PDS5B: variants seen among roughly 807,000 people sequenced by gnomAD.
PDS5B encodes the protein PDS5 cohesin associated factor B, also known as sister chromatid cohesion protein PDS5 homolog B.
In PDS5B, 51 loss-of-function variants were observed where a neutral mutation model predicts 184.1. The observed-to-expected ratio is 0.28, with a 90% CI of 0.22 to 0.35. The LOEUF (loss-of-function observed/expected upper bound fraction) is 0.35, where lower values mean the gene tolerates loss of function less well. Ranked by LOEUF, PDS5B falls within the 10% of genes least tolerant of loss-of-function variation. The probability of loss-of-function intolerance (pLI) is 1.00; values close to 1 mark genes in which losing one functional copy is unlikely to be tolerated. For missense variants in PDS5B, 1,180 were observed against 1,723.3 expected (o/e 0.68, Z 5.58); for synonymous variants, 566 against 569.2 (o/e 0.99, Z 0.08).
chr13:32,768,343 C>A (rs1213886355), intron 31 of PDS5B, among the ~76,000 whole-genome samples: 4 of 152,124 alleles, frequency 2.6e-5, no homozygotes, highest in Non-Finnish European at 2.9e-5. Flanking sequence ...CTTATAAGGA[C>A]ACTAATCTCA....
At chr13:32,695,622 T>TA (rs1170066410) in intron 14 of PDS5B, among the ~76,000 whole-genome samples, 1 of 152,042 alleles carries the variant, frequency 6.6e-6, no homozygotes, top group Non-Finnish European at 1.5e-5. Flanking sequence ...GAAATCATAA[T>TA]AACATCCAGG....
chr13:32,667,120 C>A (rs1016853017), intron 6 of PDS5B, among the ~76,000 whole-genome samples: 2 of 152,100 alleles, frequency 1.3e-5, no homozygotes, highest in African/African-American at 4.8e-5. Context: ...TTCCTGTTCT[C>A]TGGAATATGT....
intron 9 of PDS5B, among the ~76,000 whole-genome samples, chr13:32,678,587 A>G (rs1207056125): frequency 6.6e-6 from 1 of 152,192 alleles, no homozygotes; most frequent in Non-Finnish European, 1.5e-5. Context: ...AGCCAAATGT[A>G]TATGGTTTAT....
intron 1 of PDS5B, among the ~76,000 whole-genome samples, chr13:32,612,331 G>A (rs1313314639): frequency 6.6e-6 from 1 of 152,074 alleles, no homozygotes; most frequent in Non-Finnish European, 1.5e-5. Context: ...GCCTCCCAAA[G>A]TGCTGGGATT....
At chr13:32,731,319 G>A (rs1353395654) in intron 19 of PDS5B, among the ~76,000 whole-genome samples, 5 of 151,996 alleles carry the variant, frequency 3.3e-5, no homozygotes, top group South Asian at 2.1e-4. Flanking sequence ...TCCTTTATTC[G>A]GTATTCGTTT....
At chr13:32,716,632 C>G (rs372390216) in intron 19 of PDS5B, among the ~76,000 whole-genome samples, 5 of 140,488 alleles carry the variant, frequency 3.6e-5, no homozygotes, top group East Asian at 4.5e-4. Flanking sequence ...GTCAGCCCCC[C>G]GCCCGGCCAG....
chr13:32,655,374 A>ATTTTTTTTTTTTT (rs1228814649), intron 3 of PDS5B, among the ~76,000 whole-genome samples: 1 of 72,484 alleles, frequency 1.4e-5, no homozygotes, highest in Non-Finnish European at 2.2e-5. Context: ...ATATATATAT[A>ATTTTTTTTTTTTT]TTTTTTTTTT....
intron 1 of PDS5B, among the ~76,000 whole-genome samples, chr13:32,608,524 G>T (rs1364724948): frequency 6.6e-6 from 1 of 152,144 alleles, no homozygotes; most frequent in African/African-American, 2.4e-5. Flanking sequence ...TCTGAGTCTG[G>T]TGCTAGACTT....
chr13:32,609,874 A>C (rs2058114768), intron 1 of PDS5B, among the ~76,000 whole-genome samples: 1 of 151,344 alleles, frequency 6.6e-6, no homozygotes, highest in Non-Finnish European at 1.5e-5. Flanking sequence ...GCAGAGGCTA[A>C]AATTGTGGGG....
intron 17 of PDS5B, among the ~76,000 whole-genome samples, chr13:32,706,279 A>AAAATAAAT (rs60222106): frequency 0.022 from 3,212 of 144,944 alleles, 43 homozygotes; most frequent in African/African-American, 0.036. Context: ...CTTCGTCTCA[A>AAAATAAAT]AAATAAATAA....
At chr13:32,696,006 A>G (rs998944785) in intron 14 of PDS5B, among the ~76,000 whole-genome samples, 1 of 152,104 alleles carries the variant, frequency 6.6e-6, no homozygotes, top group Non-Finnish European at 1.5e-5. Flanking sequence ...GTTCCCCCCA[A>G]ATAAAACAGC....
intron 10 of PDS5B, among the ~76,000 whole-genome samples, chr13:32,683,411 A>G (rs755007956): frequency 5.0e-5 from 7 of 139,560 alleles, no homozygotes; most frequent in East Asian, 2.1e-4. Context: ...GCCTCTCCCT[A>G]CTGGGTTCAA....
chr13:32,716,529 G>A (rs1222935125), intron 19 of PDS5B, among the ~76,000 whole-genome samples: 1 of 152,038 alleles, frequency 6.6e-6, no homozygotes, highest in African/African-American at 2.4e-5. Flanking sequence ...GGGAAGTGAG[G>A]AGTGTCTCCA....
At chr13:32,613,568 C>T (rs208425) in intron 1 of PDS5B, among the ~76,000 whole-genome samples, 197 of 152,182 alleles carry the variant, frequency 1.3e-3, no homozygotes, top group African/African-American at 4.6e-3. Context: ...TATCCTTTGC[C>T]CATTTTTAAA....
At chr13:32,682,303 C>G (rs1471060228) in intron 10 of PDS5B, among the ~76,000 whole-genome samples, 1 of 152,102 alleles carries the variant, frequency 6.6e-6, no homozygotes, top group Non-Finnish European at 1.5e-5. Flanking sequence ...CCAGTTAGTT[C>G]TCTCACCATT....
Position 32,742,579 on chromosome 13 carries a change from T to C in PDS5B, c.2476-12T>C, listed in dbSNP as rs763389733. 5.6e-6 allele frequency: 9 copies of C among 1,596,758 alleles called. No homozygotes were observed. The highest frequency in any genetic ancestry group is 7.7e-6 in the Non-Finnish European group (9 of 1,172,054). ...TACCAGTGTTTTATTTGTCGACTTG[T>C]CTCTTAAATAGATTCAGGCTATTAA... is the stretch of plus-strand genomic sequence containing the variant. On this transcript the variant is annotated splice_polypyrimidine_tract_variant and intron_variant, in intron 22 of 34. Coordinates refer to ENST00000315596, the MANE Select transcript of PDS5B (RefSeq NM_015032.4).
intron 1 of PDS5B, among the ~76,000 whole-genome samples, chr13:32,627,033 T>C (rs1353433512): frequency 6.6e-6 from 1 of 152,154 alleles, no homozygotes; most frequent in African/African-American, 2.4e-5. Context: ...TCACATCAGC[T>C]GTCCCAAAAC....
At chr13:32,645,774 A>T (rs1198206414) in intron 1 of PDS5B, among the ~76,000 whole-genome samples, 1 of 152,216 alleles carries the variant, frequency 6.6e-6, no homozygotes, top group Non-Finnish European at 1.5e-5. Context: ...TTAGCTCTAT[A>T]TGACTTCACA....
intron 6 of PDS5B, among the ~76,000 whole-genome samples, chr13:32,661,658 A>G (rs1423452520): frequency 6.6e-6 from 1 of 152,024 alleles, no homozygotes; most frequent in Non-Finnish European, 1.5e-5. Flanking sequence ...TAATTTATGG[A>G]TTAGTGAGAA....
Sources: gnomAD v4.1 joint callset for allele counts (sites outside exome capture counted in the v4.1 genomes callset) on GRCh38, gnomAD v4.1.1 for gene constraint, MANE v1.5 for transcripts, NCBI Gene and HGNC (gene_info 2026-07-23, HGNC 2026-07-21) for gene names.